LEMD1: variants seen among roughly 807,000 people sequenced by gnomAD.
The protein encoded by LEMD1 is LEM domain containing 1.
Under a neutral mutation model 17.4 loss-of-function variants are expected in LEMD1, and 18 were observed. The observed-to-expected ratio is 1.04, with a 90% CI of 0.72 to 1.54. The LOEUF (loss-of-function observed/expected upper bound fraction) is 1.54. Among genes scored for constraint, LEMD1 ranks in the 40% most tolerant of loss-of-function variants. The pLI, the probability that LEMD1 is intolerant of heterozygous loss-of-function variation, is 0.00. For missense variants in LEMD1, 195 were observed against 210.4 expected (o/e 0.93, Z 0.45); for synonymous variants, 88 against 77.8 (o/e 1.13, Z -0.69).
rs1666411424 is a variant in LEMD1, at chr1:205,447,423, G to C, written c.-39+2445C>G. 2.0e-5 allele frequency among the ~76,000 whole-genome samples: 3 copies of C among 152,290 alleles called. No individual in the cohort carries two copies. In the South Asian group the frequency reaches 6.2e-4, roughly 32 times the overall value. ...CTTCTGATTGTCAATACCAAATCTA[G>C]TGCTTTCTGTGATTCTTCAGTGGTC... is the stretch of plus-strand genomic sequence containing the variant. On this transcript the variant is annotated intron_variant, in intron 1 of 3. Coordinates refer to the LEMD1 transcript ENST00000367154.
chr1:205,397,637 G>A (rs889494306), intron 4 of LEMD1, among the ~76,000 whole-genome samples: 1 of 152,134 alleles, frequency 6.6e-6, no homozygotes, highest in African/African-American at 2.4e-5. Context: ...CTCATGAATT[G>A]TAATGAATAA....
chr1:205,414,418 T>C (rs1317604540), intron 4 of LEMD1, among the ~76,000 whole-genome samples: 1 of 80,372 alleles, frequency 1.2e-5, no homozygotes, highest in Non-Finnish European at 2.7e-5. Flanking sequence ...CCCCTGTCTC[T>C]ACAAAAAAAA....
rs773691948 is a variant in LEMD1 at position 205,420,491 on chromosome 1, G to A, written c.46C>T (p.Leu16Phe). The A allele has an allele frequency of 3.7e-6, 6 of 1,613,944 alleles. No individual in the cohort carries two copies. ...CLSDCKLQNQ[L>F]EKLGFSPGPI... is the part of the protein sequence containing the mutation. ...CCAGGTGAAAATCCAAGCTTCTCAA[G>A]TTGGTTCTGCAATTTACAGTCACTC... Residue 16 changes from leucine to phenylalanine, a missense_variant, in exon 2 of 6, where the codon CTT becomes TTT. Coordinates refer to ENST00000367153, the MANE Select transcript of LEMD1 (RefSeq NM_001199050.2).
intron 4 of LEMD1, among the ~76,000 whole-genome samples, chr1:205,388,889 C>T (rs1664180782): frequency 1.3e-5 from 2 of 151,982 alleles, no homozygotes; most frequent in Admixed American, 1.3e-4. Flanking sequence ...ATATCACAGT[C>T]AGTCTGAAAT....
chr1:205,406,306 G>C (rs1442623925), intron 4 of LEMD1, among the ~76,000 whole-genome samples: 1 of 152,254 alleles, frequency 6.6e-6, no homozygotes, highest in Non-Finnish European at 1.5e-5. Context: ...CCTGCCCCCA[G>C]AGGTGGAGCC....
At chr1:205,381,947 T>C in intron 5 of LEMD1, 91 bp from the exon 6 acceptor site, 1 of 1,254,308 alleles carries the variant, frequency 8.0e-7, no homozygotes, top group Non-Finnish European at 1.2e-6. Flanking sequence ...AGCCCAAGGG[T>C]GCAGTCATGG....
At chr1:205,405,246 G>C (rs1665036174) in intron 4 of LEMD1, among the ~76,000 whole-genome samples, 4 of 150,060 alleles carry the variant, frequency 2.7e-5, no homozygotes, top group Non-Finnish European at 4.5e-5. Context: ...CTGAATGTTG[G>C]CCTGCCTTGC....
At chr1:205,431,116 G>T (rs984791462) in intron 1 of LEMD1, among the ~76,000 whole-genome samples, 8 of 152,154 alleles carry the variant, frequency 5.3e-5, no homozygotes, top group African/African-American at 1.7e-4. Context: ...ACGCCTTTTG[G>T]GGATAAGCAG....
chr1:205,403,282 G>A (rs1448391620), intron 4 of LEMD1, among the ~76,000 whole-genome samples: 3 of 151,884 alleles, frequency 2.0e-5, no homozygotes, highest in African/African-American at 7.2e-5. Flanking sequence ...AATGGTACCA[G>A]TTCCTCCTTG....
At chr1:205,414,116 T>A (rs950434313) in intron 4 of LEMD1, among the ~76,000 whole-genome samples, 1 of 151,868 alleles carries the variant, frequency 6.6e-6, no homozygotes, top group Non-Finnish European at 1.5e-5. Flanking sequence ...ATGAGGGAGA[T>A]GAGGTTACAG....
At chr1:205,386,258 A>T (rs1446367585) in intron 4 of LEMD1, 1 of 150,872 alleles carries the variant, frequency 6.6e-6, no homozygotes, top group Non-Finnish European at 1.5e-5. Flanking sequence ...GTCACCAATG[A>T]TGGAACAGCT....
intron 4 of LEMD1, among the ~76,000 whole-genome samples, chr1:205,407,645 G>A (rs1665183725): frequency 6.6e-6 from 1 of 152,170 alleles, no homozygotes; most frequent in Non-Finnish European, 1.5e-5. Flanking sequence ...ACACTGGTAA[G>A]GAAAGAGCAC....
At chr1:205,411,258 A>G (rs1665397879) in intron 4 of LEMD1, among the ~76,000 whole-genome samples, 1 of 150,424 alleles carries the variant, frequency 6.6e-6, no homozygotes, top group Non-Finnish European at 1.5e-5. Context: ...GAAGGAAGGA[A>G]GGAAAAAGAA....
chr1:205,396,601 C>T (rs1174879770), intron 4 of LEMD1, among the ~76,000 whole-genome samples: 2 of 148,528 alleles, frequency 1.3e-5, no homozygotes, highest in African/African-American at 2.5e-5. Flanking sequence ...TTCTATATAG[C>T]AGTGAAAATA....
intron 4 of LEMD1, among the ~76,000 whole-genome samples, chr1:205,407,397 G>A (rs908964963): frequency 1.3e-5 from 2 of 151,800 alleles, no homozygotes; most frequent in African/African-American, 2.4e-5. Flanking sequence ...TAGAGGAGGG[G>A]AGCTGAAGGT....
chr1:205,440,141 C>T (rs552927921), intron 1 of LEMD1, among the ~76,000 whole-genome samples: 1 of 152,296 alleles, frequency 6.6e-6, no homozygotes, highest in African/African-American at 2.4e-5. Flanking sequence ...AAAGGGGTCC[C>T]TCAGTCTGGC....
chr1:205,417,461 A>G (rs1229016127), intron 3 of LEMD1, among the ~76,000 whole-genome samples: 4 of 152,172 alleles, frequency 2.6e-5, no homozygotes, highest in African/African-American at 9.7e-5. Flanking sequence ...TCAACCTGGC[A>G]TTGCTTTTCA....
chr1:205,403,959 A>G (rs1664972023), intron 4 of LEMD1, among the ~76,000 whole-genome samples: 1 of 151,420 alleles, frequency 6.6e-6, no homozygotes, highest in Non-Finnish European at 1.5e-5. Context: ...TTTGTTATGT[A>G]CCCAGTAGTC....
intron 5 of LEMD1, among the ~76,000 whole-genome samples, chr1:205,382,313 A>G (rs1475587504): frequency 6.6e-6 from 1 of 151,574 alleles, no homozygotes; most frequent in East Asian, 2.0e-4. Flanking sequence ...CTGGGCATGG[A>G]GGCTGAGATG....
Sources: allele counts gnomAD v4.1 joint callset (sites outside exome capture counted in the v4.1 genomes callset), GRCh38; gene constraint gnomAD v4.1.1; transcripts MANE v1.5; gene names NCBI Gene and HGNC (gene_info 2026-07-23, HGNC 2026-07-21).